The following PDE12 variants were observed in gnomAD, a reference collection of about 807,000 sequenced individuals.
PDE12 encodes the protein 2',5'-phosphodiesterase 12.
PDE12 carries 26 observed loss-of-function variants against 45.4 expected under a neutral mutation model. The ratio of observed to expected loss-of-function variants is 0.57; its 90% CI spans 0.42 to 0.79. The LOEUF is 0.79. Ranked by LOEUF, PDE12 falls within the 30% of genes least tolerant of loss-of-function variation. The pLI is 0.00. For synonymous variants in PDE12, 283 were observed against 323.9 expected, an observed-to-expected ratio of 0.87 and a Z score of 1.36; for missense variants, 668 against 790.0, an observed-to-expected ratio of 0.85 and a Z score of 1.85.
At position 57,561,262 on chromosome 3, in the gene PDE12, A is replaced by C; in HGVS notation, c.*1258A>C. 1.0e-6 allele frequency: 1 copy of C among 985,654 alleles called. No individual in the cohort carries two copies. The highest frequency in any genetic ancestry group is 1.1e-4 in the East Asian group (1 of 8,810). 61.1% of individuals were successfully genotyped at this position (985,654 alleles called of 1,614,324 possible). ...TGATATGGGCTTGAAATTTTGGATG[A>C]ATCATTGAGCATTTCTACACTAGAA... On this transcript the variant is annotated 3_prime_UTR_variant, in exon 3 of 3. Transcript: ENST00000311180.
Position 57,556,652 on chromosome 3 carries a change from C to T in PDE12, c.273C>T (p.Ala91=). The part of the protein sequence containing the change: ...NALKGHAKAA[A]AKKSRKSRPN... ...TAAAGGGTCACGCTAAGGCGGCCGCCGCCAAGAAGAGCAGGAAGAGCCGGC... is the reference window on the plus strand; with the variant it reads ...TAAAGGGTCACGCTAAGGCGGCCGCTGCCAAGAAGAGCAGGAAGAGCCGGC... Residue 91 remains alanine (A), a synonymous_variant, in exon 1 of 3, where the codon GCC becomes GCT. Coordinates refer to ENST00000311180, the MANE Select transcript of PDE12 (RefSeq NM_177966.7). This position sits in a 1 kb window ranked among gnomAD's most constrained non-coding sequence, Gnocchi z 5.0. 1 of 1,600,382 alleles carries T rather than the reference C, an allele frequency of 6.2e-7. No homozygotes were observed.
the PDE12 span, chr3:57,633,502 T>C: frequency 7.2e-6 from 5 of 692,362 alleles, no homozygotes; most frequent in Non-Finnish European, 1.2e-5. Context: ...TAATGTGAAG[T>C]TCATTGTGCA....
chr3:57,588,575 G>T, the PDE12 span, among the ~76,000 whole-genome samples: 1 of 148,256 alleles, frequency 6.7e-6, no homozygotes, highest in South Asian at 2.1e-4. Context: ...AGGTGTGAGT[G>T]GGGCACAGTG....
Position 57,563,543 on chromosome 3 carries a change from C to G in PDE12, c.*3539C>G, listed in dbSNP as rs1360771639. On this transcript the variant is annotated 3_prime_UTR_variant, in exon 3 of 3. Transcript: ENST00000311180. ...TTTTAAACACAAATAAAAAATATTT[C>G]AGTGTTTTGAGAATTTTAATAATTT... 6.6e-6 allele frequency: 1 copy of G among 152,038 alleles called. No homozygotes were observed. Among genetic ancestry groups the G allele is most frequent in the East Asian group, 1.9e-4 (1 of 5,192 alleles). 9.4% of individuals were successfully genotyped at this position (152,038 alleles called of 1,614,324 possible).
At chr3:57,590,357 G>C in the PDE12 span, among the ~76,000 whole-genome samples, 1 of 150,836 alleles carries the variant, frequency 6.6e-6, no homozygotes, top group Non-Finnish European at 1.5e-5. Flanking sequence ...GCAGTGGCGG[G>C]TGCCTGTAAT....
chr3:57,575,704 A>C, the PDE12 span: 15 of 1,574,348 alleles, frequency 9.5e-6, no homozygotes, highest in Admixed American at 2.3e-4. Context: ...ATTAACAACT[A>C]CCAACCGGAA....
Position 57,557,623 on chromosome 3 carries a change from T to G in PDE12, c.1244T>G (p.Leu415Arg). Reference sequence around the variant, plus strand: ...TCCGACCCACTTCACAAAGAACTGCTGGAGAAACTAGTTTTGTACCCATCA... The same window carrying G: ...TCCGACCCACTTCACAAAGAACTGCGGGAGAAACTAGTTTTGTACCCATCA... Reference protein sequence around the residue: ...LESDPLHKELLEKLVLYPSAQ... With the variant: ...LESDPLHKELREKLVLYPSAQ... The change falls in exon 1 of 3, where the codon CTG becomes CGG. Residue 415 changes from leucine to arginine, a missense_variant. By Grantham distance (102) the Leu-to-Arg change is moderately radical. Coordinates refer to ENST00000311180, the MANE Select transcript of PDE12 (RefSeq NM_177966.7). 1 of 1,614,154 alleles carries G rather than the reference T, an allele frequency of 6.2e-7. No homozygotes were observed. The highest frequency in any genetic ancestry group is 8.5e-7 in the Non-Finnish European group (1 of 1,180,030).
the PDE12 span, among the ~76,000 whole-genome samples, chr3:57,586,227 T>C: frequency 6.6e-6 from 1 of 152,164 alleles, no homozygotes; most frequent in African/African-American, 2.4e-5. Context: ...GCCGCCTGGG[T>C]TTATCTTATC....
chr3:57,628,129 G>A, the PDE12 span: 1 of 1,531,828 alleles, frequency 6.5e-7, no homozygotes, highest in Non-Finnish European at 8.8e-7. Flanking sequence ...CGCTGCCACT[G>A]AGAGATCTCC....
At chr3:57,567,429 CAAT>C (rs1470202076), downstream of PDE12, among the ~76,000 whole-genome samples, 1 of 152,132 alleles carries the variant, frequency 6.6e-6, no homozygotes, top group Admixed American at 6.5e-5. Context: ...GGCAGGCATC[CAAT>C]AATACAGCTA....
At chr3:57,578,654 A>G in the PDE12 span, among the ~76,000 whole-genome samples, 1 of 151,850 alleles carries the variant, frequency 6.6e-6, no homozygotes. Context: ...TAATTTTTCT[A>G]TTTTTTGTAG....
Position 57,561,335 on chromosome 3 carries a change from G to A in PDE12, c.*1331G>A. The A allele has an allele frequency of 2.0e-6, 2 of 985,034 alleles. No individual in the cohort carries two copies. Among genetic ancestry groups the A allele is most frequent in the Non-Finnish European group, 2.4e-6 (2 of 829,290 alleles). 61.0% of individuals were successfully genotyped at this position (985,034 alleles called of 1,614,324 possible). A position where few individuals can be genotyped will look rare whatever the true frequency, so the allele number is the denominator to read the frequency against. On this transcript the variant is annotated 3_prime_UTR_variant, in exon 3 of 3. Transcript: ENST00000311180. ...TTATAAACAGGAAAAAGGTTGAGTA[G>A]TGGGACTTTTAAGCATCTCTGAAAT...
At chr3:57,572,038 T>A in the PDE12 span, 4 of 532,302 alleles carry the variant, frequency 7.5e-6, no homozygotes, top group Non-Finnish European at 1.3e-5. Context: ...ACCAAGCACA[T>A]TGCTAAATAG....
chr3:57,611,899 G>A, the PDE12 span, among the ~76,000 whole-genome samples: 1 of 152,112 alleles, frequency 6.6e-6, no homozygotes, highest in Non-Finnish European at 1.5e-5. Context: ...ATACCCAAAG[G>A]ATTATAAATC....
At chr3:57,570,238 TTG>T (rs1200981514), downstream of PDE12, among the ~76,000 whole-genome samples, 5 of 147,904 alleles carry the variant, frequency 3.4e-5, no homozygotes, top group South Asian at 2.2e-4. Flanking sequence ...TTTTTTTTTT[TTG>T]GAGACAGAGT....
chr3:57,609,437 A>G, the PDE12 span, among the ~76,000 whole-genome samples: 6 of 152,238 alleles, frequency 3.9e-5, no homozygotes, highest in Admixed American at 1.3e-4. Flanking sequence ...AAAAAAATCA[A>G]TGAATCCAGG....
the PDE12 span, among the ~76,000 whole-genome samples, chr3:57,604,623 G>GA: frequency 8.9e-5 from 7 of 78,772 alleles, no homozygotes; most frequent in African/African-American, 3.4e-4. Flanking sequence ...TTTTTGGGGG[G>GA]GGTGGGTGGG....
At chr3:57,615,735 C>G in the PDE12 span, among the ~76,000 whole-genome samples, 2 of 151,694 alleles carry the variant, frequency 1.3e-5, no homozygotes, top group Non-Finnish European at 2.9e-5. Context: ...ACCCAGGAGA[C>G]GGAGGTTGCA....
chr3:57,619,564 T>C, the PDE12 span: 2 of 151,950 alleles, frequency 1.3e-5, no homozygotes, highest in Non-Finnish European at 2.9e-5. Flanking sequence ...CATCTAACCA[T>C]CGTTACTTTT....
Sources: allele counts gnomAD v4.1 joint callset (sites outside exome capture counted in the v4.1 genomes callset), GRCh38; gene constraint gnomAD v4.1.1; non-coding constraint Gnocchi (gnomAD v3.1); transcripts MANE v1.5; gene names NCBI Gene and HGNC (gene_info 2026-07-23, HGNC 2026-07-21).